Variants in FAM110B observed in about 807,000 individuals in gnomAD.
FAM110B encodes protein FAM110B.
FAM110B carries 6 observed loss-of-function variants against 20.4 expected under a neutral mutation model. The ratio of observed to expected loss-of-function variants is 0.29; its 90% confidence interval spans 0.16 to 0.58. FAM110B has a LOEUF of 0.58. Ranked by LOEUF, FAM110B falls within the 20% of genes least tolerant of loss-of-function variation. The probability of loss-of-function intolerance (pLI) is 0.90; values close to 1 mark genes in which losing one functional copy is unlikely to be tolerated. For missense variants in FAM110B, 434 were observed against 498.2 expected (o/e 0.87, Z 1.23); for synonymous variants, 226 against 214.1 (o/e 1.06, Z -0.49).
chr8:58,146,850 C>T lies in FAM110B; in HGVS notation c.620C>T (p.Thr207Ile). 1 of 1,613,230 alleles carries T rather than the reference C, an allele frequency of 6.2e-7. No homozygotes were observed. The highest frequency in any genetic ancestry group is 8.5e-7 in the Non-Finnish European group (1 of 1,179,586). ...AGCTCTTCGGACATCCGCAAGGTGA[C>T]CAGCGTGAAGCCCCTCAAGGCCATC... Reference protein sequence around the residue: ...SHSSSDIRKVTSVKPLKAIPC... With the variant: ...SHSSSDIRKVISVKPLKAIPC... The change falls in exon 4 of 4, where the codon ACC becomes ATC. Residue 207 changes from threonine to isoleucine, a missense_variant. Physicochemically the swap from Thr to Ile is moderately conservative, Grantham distance 89. This residue lies in a region of FAM110B where 284 missense variants were observed against 278.3 expected (regional missense o/e 1.02). Coordinates refer to ENST00000519262, the MANE Select transcript of FAM110B (RefSeq NM_001377989.1).
At chr8:58,027,866 T>C (rs184716904) in intron 1 of FAM110B, among the ~76,000 whole-genome samples, 5 of 152,342 alleles carry the variant, frequency 3.3e-5, no homozygotes, top group Non-Finnish European at 2.9e-5. Flanking sequence ...TTGGATTCTT[T>C]CAAGTTTGGA....
chr8:58,037,722 A>G (rs529911317), intron 2 of FAM110B, among the ~76,000 whole-genome samples: 8 of 152,242 alleles, frequency 5.3e-5, no homozygotes, highest in Admixed American at 1.3e-4. Flanking sequence ...ATTGTTCACA[A>G]TCTGTTTAGC....
intron 3 of FAM110B, among the ~76,000 whole-genome samples, chr8:58,099,446 A>T (rs1806721769): frequency 6.6e-6 from 1 of 152,224 alleles, no homozygotes; most frequent in African/African-American, 2.4e-5. Flanking sequence ...AACTGTATTA[A>T]ACTGTATTTA....
At chr8:58,068,634 A>T (rs1327300485) in intron 2 of FAM110B, among the ~76,000 whole-genome samples, 1 of 151,950 alleles carries the variant, frequency 6.6e-6, no homozygotes, top group African/African-American at 2.4e-5. Flanking sequence ...GGAAGTTTGC[A>T]TTTTATCTTT....
At chr8:58,030,863 G>T (rs1479794447) in intron 1 of FAM110B, among the ~76,000 whole-genome samples, 1 of 152,064 alleles carries the variant, frequency 6.6e-6, no homozygotes. Context: ...TTCATGACTC[G>T]TCCCAGTATC....
intron 3 of FAM110B, among the ~76,000 whole-genome samples, chr8:58,105,848 G>T (rs2150615067): frequency 6.6e-6 from 1 of 152,166 alleles, no homozygotes; most frequent in South Asian, 2.1e-4. Context: ...GGGATTACAG[G>T]CATGAGCCAC....
At chr8:58,016,246 T>G (rs2150567733) in intron 1 of FAM110B, among the ~76,000 whole-genome samples, 1 of 152,336 alleles carries the variant, frequency 6.6e-6, no homozygotes, top group South Asian at 2.1e-4. Context: ...GAAGTAAAAT[T>G]TGTATTATCT....
chr8:58,057,366 G>A (rs952767092), intron 2 of FAM110B, among the ~76,000 whole-genome samples: 16 of 152,216 alleles, frequency 1.1e-4, no homozygotes, highest in African/African-American at 3.6e-4. Context: ...CACAAACACA[G>A]GGCACATTTA....
chr8:58,072,072 A>G (rs56922687), intron 2 of FAM110B, among the ~76,000 whole-genome samples: 39 of 152,364 alleles, frequency 2.6e-4, no homozygotes, highest in African/African-American at 9.4e-4. Context: ...CTGCGAATCA[A>G]CAGTTAGGCT....
chr8:58,072,862 G>C (rs1379460547), intron 2 of FAM110B, among the ~76,000 whole-genome samples: 2 of 152,194 alleles, frequency 1.3e-5, no homozygotes, highest in Admixed American at 6.5e-5. Context: ...AAAGTAACTG[G>C]GCTGAACAAG....
intron 3 of FAM110B, among the ~76,000 whole-genome samples, chr8:58,113,793 G>T (rs1330201731): frequency 6.6e-6 from 1 of 152,214 alleles, no homozygotes; most frequent in African/African-American, 2.4e-5. Context: ...AGAAGTGTTT[G>T]CTGGGCACAG....
At chr8:58,124,845 A>G (rs949850737) in intron 3 of FAM110B, among the ~76,000 whole-genome samples, 3 of 152,250 alleles carry the variant, frequency 2.0e-5, no homozygotes, top group African/African-American at 7.2e-5. Context: ...CTCTAAATAG[A>G]TTACATGATA....
At chr8:58,012,337 A>T (rs1804554773) in intron 1 of FAM110B, among the ~76,000 whole-genome samples, 1 of 151,908 alleles carries the variant, frequency 6.6e-6, no homozygotes, top group South Asian at 2.1e-4. Context: ...AGATCTTCTT[A>T]GTGTCATTTT....
chr8:57,996,381 G>T (rs992848037), intron 1 of FAM110B, among the ~76,000 whole-genome samples: 2 of 152,048 alleles, frequency 1.3e-5, no homozygotes, highest in Non-Finnish European at 2.9e-5. Flanking sequence ...GAAAATGGTC[G>T]TTTTGATTTT....
At chr8:58,087,510 A>C (rs1039072920) in intron 3 of FAM110B, among the ~76,000 whole-genome samples, 2 of 152,220 alleles carry the variant, frequency 1.3e-5, no homozygotes, top group Non-Finnish European at 2.9e-5. Context: ...TCTCAAAGCT[A>C]CATGGGTCAT....
intron 1 of FAM110B, among the ~76,000 whole-genome samples, chr8:58,009,053 A>G (rs1269108154): frequency 1.3e-5 from 2 of 152,190 alleles, no homozygotes; most frequent in Non-Finnish European, 2.9e-5. Flanking sequence ...CCCCATCTTT[A>G]TGATGCTCAA....
intron 2 of FAM110B, chr8:58,043,440 T>C (rs1202003997): frequency 2.6e-5 from 4 of 151,406 alleles, no homozygotes; most frequent in African/African-American, 9.7e-5. Context: ...TTTTTATTTA[T>C]TTATTTTTTA....
Position 58,012,167 on chromosome 8 carries a change from G to A in FAM110B, c.-512+17361G>A, listed in dbSNP as rs150381964. ...AGGTGAAACTATAGCAGGTTGGTAG[G>A]AAATTCTGACTAGTTTCTTCTCTAG... On this transcript the variant is annotated intron_variant, in intron 1 of 3. Coordinates refer to ENST00000519262, the MANE Select transcript of FAM110B (RefSeq NM_001377989.1). 3.7e-3 allele frequency among the ~76,000 whole-genome samples: 569 copies of A among 152,252 alleles called. 3 individuals are homozygous for A. The highest frequency in any genetic ancestry group is 5.7e-3 in the Non-Finnish European group (389 of 68,004).
At chr8:58,043,757 A>G (rs74536789) in intron 2 of FAM110B, among the ~76,000 whole-genome samples, 2,814 of 152,300 alleles carry the variant, frequency 0.018, 101 homozygotes, top group African/African-American at 0.065. Context: ...TAGCTATTTT[A>G]CATGTATTAC....
Sources: allele counts gnomAD v4.1 joint callset (sites outside exome capture counted in the v4.1 genomes callset), GRCh38; gene constraint gnomAD v4.1.1; regional missense constraint gnomAD v4.1.1; transcripts MANE v1.5; gene names NCBI Gene and HGNC (gene_info 2026-07-23, HGNC 2026-07-21).